The following IRF4 variants were observed in gnomAD, a reference collection of about 807,000 sequenced individuals.
The protein encoded by IRF4 is interferon regulatory factor 4.
IRF4 carries 13 observed loss-of-function variants against 55.5 expected under a neutral mutation model. The observed-to-expected ratio is 0.23, with a 90% CI of 0.15 to 0.37. The LOEUF (loss-of-function observed/expected upper bound fraction) is 0.37, where lower values mean the gene tolerates loss of function less well. IRF4 is among the 10% of genes least tolerant of loss of function. The pLI, the probability that IRF4 is intolerant of heterozygous loss-of-function variation, is 1.00. For synonymous variants in IRF4, 249 were observed against 240.7 expected (o/e 1.03, Z -0.32); for missense variants, 397 against 593.8 (o/e 0.67, Z 3.44).
Position 408,308 on chromosome 6 carries a change from C to G in IRF4, c.*710C>G, listed in dbSNP as rs926948630. 4.4e-6 allele frequency: 1 copy of G among 229,560 alleles called. No individual in the cohort carries two copies. The highest frequency in any genetic ancestry group is 8.5e-6 in the Non-Finnish European group (1 of 117,130). 14.2% of individuals were successfully genotyped at this position (229,560 alleles called of 1,614,324 possible). ...CTGAGTGAAGGAAATGAATCTTTGA[C>G]TGAAGCCGTGCCTGTAGCCTTGGGG... is the stretch of plus-strand genomic sequence containing the variant. On this transcript the variant is annotated 3_prime_UTR_variant, in exon 9 of 9. Transcript: ENST00000380956.
At chr6:406,432 C>T (rs1216310521) in intron 8 of IRF4, among the ~76,000 whole-genome samples, 1 of 152,224 alleles carries the variant, frequency 6.6e-6, no homozygotes, top group African/African-American at 2.4e-5. Flanking sequence ...ATCCCAGCTA[C>T]TCGGGAGGCT....
chr6:393,434 C>G lies in IRF4; in HGVS notation c.216+66C>G. On this transcript the variant is annotated intron_variant, in intron 2 of 8. Coordinates refer to ENST00000380956, the MANE Select transcript of IRF4 (RefSeq NM_002460.4). The surrounding 1 kb of genome is among the most constrained non-coding windows in gnomAD (Gnocchi z 5.4). ...GCCCAGAGACAGAGCCCGGGGTCCC[C>G]GGCGCCGCCTCCGAGGCGAGCCCAG... 1.6e-4 allele frequency: 116 copies of G among 744,862 alleles called. No individual in the cohort carries two copies. Among genetic ancestry groups the G allele is most frequent in the Middle Eastern group, 4.5e-4 (1 of 2,222 alleles). 46.1% of individuals were successfully genotyped at this position (744,862 alleles called of 1,614,324 possible).
At chr6:402,497 C>T (rs1172847614) in intron 7 of IRF4, among the ~76,000 whole-genome samples, 1 of 152,214 alleles carries the variant, frequency 6.6e-6, no homozygotes, top group Non-Finnish European at 1.5e-5. Context: ...TCTTCCTCTG[C>T]CTTTTCCCAG....
At chr6:404,699 T>C (rs1279697898) in intron 7 of IRF4, among the ~76,000 whole-genome samples, 1 of 152,258 alleles carries the variant, frequency 6.6e-6, no homozygotes, top group African/African-American at 2.4e-5. Flanking sequence ...TTGTTCTTTA[T>C]CTCCCGACTT....
rs1346709495 is a variant in IRF4, at chr6:410,034, G to C, written c.*2436G>C. 4.4e-6 allele frequency: 1 copy of C among 227,696 alleles called. No individual in the cohort carries two copies. The highest frequency in any genetic ancestry group is 2.2e-5 in the African/African-American group (1 of 45,022). The allele number at this position is 227,696 out of a possible 1,614,324, so 14.1% of individuals were successfully genotyped here. On this transcript the variant is annotated 3_prime_UTR_variant, in exon 9 of 9. Transcript: ENST00000380956. Reference sequence around the variant, plus strand: ...TGAGTGATCCAGGGTATGACCTAGGGAATGAACTAGCTATGAAATACTCAG... The same window carrying C: ...TGAGTGATCCAGGGTATGACCTAGGCAATGAACTAGCTATGAAATACTCAG...
In IRF4 at chr6:407,693, C is replaced by A; in HGVS notation, c.*95C>A. ...TTGCTCTGTCTCCCAGGCTGGAGTGCAGTGACACAATCTCAGCTCACTGTG... is the reference window on the plus strand; with the variant it reads ...TTGCTCTGTCTCCCAGGCTGGAGTGAAGTGACACAATCTCAGCTCACTGTG... On this transcript the variant is annotated 3_prime_UTR_variant, in exon 9 of 9. Transcript: ENST00000380956. 8.7e-7 allele frequency: 1 copy of A among 1,155,614 alleles called. No homozygotes were observed. Among genetic ancestry groups the A allele is most frequent in the South Asian group, 1.4e-5 (1 of 69,518 alleles). 71.6% of individuals were successfully genotyped at this position (1,155,614 alleles called of 1,614,324 possible).
chr6:402,242 T>C (rs910652855), intron 7 of IRF4, among the ~76,000 whole-genome samples: 6 of 152,228 alleles, frequency 3.9e-5, no homozygotes, highest in Admixed American at 3.9e-4. Context: ...GGAGAAGTTA[T>C]AGGAGAGTGC....
At position 393,900 on chromosome 6, in the gene IRF4, G is replaced by A. The variant is rs1315123707; in HGVS notation, c.216+532G>A. On this transcript the variant is annotated intron_variant, in intron 2 of 8. Transcript: ENST00000380956. This position sits in a 1 kb window ranked among gnomAD's most constrained non-coding sequence, Gnocchi z 5.4. ...CTTCTCGCTCCTGCTAGCTCTCTGC[G>A]GGTACTCCCACCTCTGTCTTTCTCT... 6.6e-6 allele frequency among the ~76,000 whole-genome samples: 1 copy of A among 152,086 alleles called. No homozygotes were observed. Among genetic ancestry groups the A allele is most frequent in the African/African-American group, 2.4e-5 (1 of 41,416 alleles).
intron 1 of IRF4, among the ~76,000 whole-genome samples, chr6:392,530 G>A (rs1761132878): frequency 6.6e-6 from 1 of 152,258 alleles, no homozygotes; most frequent in African/African-American, 2.4e-5. Context: ...GTGCGCGCTA[G>A]CTGGGCAGGG....
intron 3 of IRF4, among the ~76,000 whole-genome samples, chr6:395,262 G>C (rs1581222714): frequency 6.7e-6 from 1 of 149,410 alleles, no homozygotes; most frequent in Non-Finnish European, 1.5e-5. Flanking sequence ...TTGAATATGT[G>C]TTTTCCAGTT....
Position 393,123 on chromosome 6 carries a change from C to T in IRF4, c.-30C>T, listed in dbSNP as rs372561836. On this transcript the variant is annotated 5_prime_UTR_variant, in exon 2 of 9. Transcript: ENST00000380956. This position sits in a 1 kb window ranked among gnomAD's most constrained non-coding sequence, Gnocchi z 5.4. ...TGCAGAGCAGAGCGGGCGGAGGACC[C>T]CGGGCGCGGGCGCGGACGGCACGCG... is the stretch of plus-strand genomic sequence containing the variant. 1.1e-4 allele frequency: 166 copies of T among 1,543,130 alleles called. No individual in the cohort carries two copies. The highest frequency in any genetic ancestry group is 8.2e-4 in the South Asian group (68 of 83,216).
Position 406,910 on chromosome 6 carries a change from T to G in IRF4, c.1213-545T>G, listed in dbSNP as rs574071231. ...CGTTTTTGTTTTTTGGTGAGTGTGA[T>G]CCACGCTAATAACCAGACAGTATAA... On this transcript the variant is annotated intron_variant, in intron 8 of 8. Transcript: ENST00000380956. 558 of 1,069,824 alleles carry G rather than the reference T, an allele frequency of 5.2e-4. 1 individual carries two copies. The highest frequency in any genetic ancestry group is 3.3e-3 in the Middle Eastern group (8 of 2,390). 66.3% of individuals were successfully genotyped at this position (1,069,824 alleles called of 1,614,324 possible).
At chr6:401,859 A>G (rs1258167673) in intron 7 of IRF4, 82 bp downstream of exon 7, 2 of 1,287,210 alleles carry the variant, frequency 1.6e-6, no homozygotes, top group Admixed American at 2.0e-5. Context: ...GGTCCCTCCC[A>G]CCCCAGGCTG....
rs778712289 is a variant in IRF4 at position 394,967 on chromosome 6, G to A, written c.363G>A (p.Pro121=). ...VERSQLDISD[P]YKVYRIVPEG... is the part of the protein sequence containing the mutation. ...GGAGCCAGCTGGACATCTCAGACCC[G>A]TACAAAGTGTACAGGATTGTTCCTG... is the stretch of plus-strand genomic sequence containing the variant. The change falls in exon 3 of 9, where the codon CCG becomes CCA. Residue 121 remains proline (P), a synonymous_variant. Transcript: ENST00000380956. 9.9e-6 allele frequency: 16 copies of A among 1,613,612 alleles called. No homozygotes were observed. Among genetic ancestry groups the A allele is most frequent in the Middle Eastern group, 1.6e-4 (1 of 6,082 alleles).
Position 410,004 on chromosome 6 carries a change from A to G in IRF4, c.*2406A>G. The G allele has an allele frequency of 4.4e-6, 1 of 228,544 alleles. No individual in the cohort carries two copies. Among genetic ancestry groups the G allele is most frequent in the Non-Finnish European group, 8.7e-6 (1 of 115,106 alleles). The allele number at this position is 228,544 out of a possible 1,614,324, so 14.2% of individuals were successfully genotyped here. ...ATCTATGTGTATGTTGACTTTTTAA[A>G]ATTCTGAGTGATCCAGGGTATGACC... is the stretch of plus-strand genomic sequence containing the variant. On this transcript the variant is annotated 3_prime_UTR_variant, in exon 9 of 9. Transcript: ENST00000380956.
chr6:407,544 C>T lies in IRF4; in HGVS notation c.1302C>T (p.Ile434=). 6.2e-7 allele frequency: 1 copy of T among 1,612,830 alleles called. No individual in the cohort carries two copies. The highest frequency in any genetic ancestry group is 2.2e-5 in the East Asian group (1 of 44,858). Residue 434 remains isoleucine (I), a synonymous_variant, in exon 9 of 9, where the codon ATC becomes ATT. Transcript: ENST00000380956. The part of the protein sequence containing the change: ...FLRGYDLPEH[I]SNPEDYHRSI... ...GGGGCTACGATTTACCAGAACACAT[C>T]AGCAATCCAGAAGATTACCACAGAT... is the stretch of plus-strand genomic sequence containing the variant.
chr6:394,361 C>T (rs1761201463), intron 2 of IRF4, among the ~76,000 whole-genome samples: 1 of 152,208 alleles, frequency 6.6e-6, no homozygotes, highest in African/African-American at 2.4e-5. Flanking sequence ...AAATCATTTT[C>T]CTAGAGCATA....
At chr6:397,601 A>G (rs1761300754) in intron 5 of IRF4, 1 of 221,960 alleles carries the variant, frequency 4.5e-6, no homozygotes, top group Admixed American at 5.4e-5. Flanking sequence ...TTGAGCTGGT[A>G]TATTTCTCTC....
At position 410,314 on chromosome 6, in the gene IRF4, C is replaced by T. The variant is rs1395056921; in HGVS notation, c.*2716C>T. 4.4e-6 allele frequency: 1 copy of T among 227,126 alleles called. No individual in the cohort carries two copies. Among genetic ancestry groups the T allele is most frequent in the African/African-American group, 2.2e-5 (1 of 45,014 alleles). 14.1% of individuals were successfully genotyped at this position (227,126 alleles called of 1,614,324 possible). A position where few individuals can be genotyped will look rare whatever the true frequency, so the allele number is the denominator to read the frequency against. The stretch of plus-strand genomic sequence containing the variant: ...GAAAACCTCAAGCAGTAATTAATAT[C>T]TCCTGGAACACTATAGAGAACCAAG... On this transcript the variant is annotated 3_prime_UTR_variant, in exon 9 of 9. Coordinates refer to ENST00000380956, the MANE Select transcript of IRF4 (RefSeq NM_002460.4).
Sources: gnomAD v4.1 joint callset for allele counts (sites outside exome capture counted in the v4.1 genomes callset) on GRCh38, gnomAD v4.1.1 for gene constraint, Gnocchi (gnomAD v3.1) non-coding constraint, MANE v1.5 for transcripts, NCBI Gene and HGNC (gene_info 2026-07-23, HGNC 2026-07-21) for gene names.